DCC: variants seen among roughly 807,000 people sequenced by gnomAD.
DCC encodes DCC netrin 1 receptor.
In DCC, 58 loss-of-function variants were observed where a neutral mutation model predicts 172.5. The ratio of observed to expected loss-of-function variants is 0.34; its 90% confidence interval spans 0.27 to 0.42. DCC has a LOEUF of 0.42. DCC is among the 10% of genes least tolerant of loss of function. DCC has a pLI of 1.00. For missense variants in DCC, 1,740 were observed against 1,791.0 expected (o/e 0.97, Z 0.51); for synonymous variants, 709 against 644.5 (o/e 1.10, Z -1.52).
At chr18:52,376,298 A>G (rs1013136613) in intron 1 of DCC, among the ~76,000 whole-genome samples, 1 of 152,230 alleles carries the variant, frequency 6.6e-6, no homozygotes, top group African/African-American at 2.4e-5. Flanking sequence ...TTGGTTTCAA[A>G]TATGAAGACA....
intron 5 of DCC, among the ~76,000 whole-genome samples, chr18:53,017,934 C>T (rs2041831012): frequency 6.6e-6 from 1 of 152,136 alleles, no homozygotes; most frequent in African/African-American, 2.4e-5. Context: ...GTTCTTAATT[C>T]CTAAGTTTAG....
At chr18:53,451,088 C>T (rs1020286669) in intron 23 of DCC, among the ~76,000 whole-genome samples, 2 of 152,146 alleles carry the variant, frequency 1.3e-5, no homozygotes, top group Non-Finnish European at 2.9e-5. Flanking sequence ...TTAATCAATA[C>T]TTATTGGAGA....
intron 2 of DCC, among the ~76,000 whole-genome samples, chr18:52,830,696 T>A (rs895507075): frequency 1.8e-4 from 28 of 152,214 alleles, no homozygotes; most frequent in African/African-American, 6.8e-4. Flanking sequence ...AGACTGAAGT[T>A]ATTTAATTGT....
intron 1 of DCC, among the ~76,000 whole-genome samples, chr18:52,610,382 C>CAAAAAA (rs55715009): frequency 5.2e-3 from 260 of 49,754 alleles, no homozygotes; most frequent in East Asian, 6.0e-3. Flanking sequence ...TCTGTCTCAA[C>CAAAAAA]AAAAAAAAAA....
intron 7 of DCC, among the ~76,000 whole-genome samples, chr18:53,143,755 A>G (rs1568329554): frequency 6.6e-6 from 1 of 152,250 alleles, no homozygotes. Flanking sequence ...GCGTGGCATC[A>G]AGTTGTGAAC....
At chr18:52,755,094 G>T (rs904317614) in intron 2 of DCC, among the ~76,000 whole-genome samples, 4 of 152,216 alleles carry the variant, frequency 2.6e-5, no homozygotes, top group African/African-American at 9.6e-5. Context: ...GGTAAAAGCA[G>T]CTTTCTCAGA....
chr18:53,139,428 T>C (rs1221659235), intron 7 of DCC, among the ~76,000 whole-genome samples: 1 of 152,180 alleles, frequency 6.6e-6, no homozygotes, highest in East Asian at 1.9e-4. Flanking sequence ...GTGTCCAATG[T>C]CATGCACTGG....
At chr18:53,067,364 T>TA (rs775000185) in intron 7 of DCC, among the ~76,000 whole-genome samples, 30 of 151,118 alleles carry the variant, frequency 2.0e-4, no homozygotes, top group African/African-American at 5.1e-4. Flanking sequence ...CTACTGAAAA[T>TA]AAAAAAAATA....
At chr18:53,022,500 G>C (rs1289948508) in intron 5 of DCC, among the ~76,000 whole-genome samples, 1 of 150,788 alleles carries the variant, frequency 6.6e-6, no homozygotes, top group Non-Finnish European at 1.5e-5. Flanking sequence ...CACTAAAAAA[G>C]ATACATACAT....
chr18:53,315,113 A>G (rs923169744), intron 13 of DCC, among the ~76,000 whole-genome samples: 3 of 152,086 alleles, frequency 2.0e-5, no homozygotes, highest in Non-Finnish European at 2.9e-5. Context: ...TCCCTCCCCT[A>G]GCCCCCCACT....
chr18:52,861,867 T>C (rs529026415), intron 2 of DCC, among the ~76,000 whole-genome samples: 2 of 152,288 alleles, frequency 1.3e-5, no homozygotes, highest in African/African-American at 2.4e-5. Flanking sequence ...GTAAAATTTA[T>C]TGAAGAAGCA....
At chr18:53,063,648 A>C (rs2042527511) in intron 6 of DCC, 189 bp downstream of exon 6, 3 of 562,744 alleles carry the variant, frequency 5.3e-6, no homozygotes, top group Non-Finnish European at 9.4e-6. Flanking sequence ...AGAGTGATCA[A>C]AGAATTCAGC....
intron 8 of DCC, among the ~76,000 whole-genome samples, chr18:53,169,272 T>C (rs1489255109): frequency 6.6e-6 from 1 of 152,226 alleles, no homozygotes; most frequent in African/African-American, 2.4e-5. Context: ...CAAGACACTT[T>C]AATCAAGTAA....
intron 7 of DCC, among the ~76,000 whole-genome samples, chr18:53,096,929 C>T (rs911469909): frequency 2.4e-4 from 36 of 151,962 alleles, no homozygotes; most frequent in African/African-American, 8.2e-4. Context: ...AATACATTCT[C>T]AAAGGGTTTA....
intron 7 of DCC, among the ~76,000 whole-genome samples, chr18:53,086,063 T>C (rs1458552024): frequency 4.6e-3 from 2 of 438 alleles, no homozygotes; most frequent in South Asian, 0.1. Flanking sequence ...TCCTTCTCCT[T>C]CTCCCTCTCC....
intron 12 of DCC, among the ~76,000 whole-genome samples, chr18:53,275,742 T>C (rs995509116): frequency 6.6e-5 from 10 of 152,156 alleles, no homozygotes; most frequent in African/African-American, 2.4e-4. Flanking sequence ...GTAGGTCTGG[T>C]TTTTTGAGAG....
intron 2 of DCC, among the ~76,000 whole-genome samples, chr18:52,789,730 T>C (rs1199210760): frequency 6.6e-6 from 1 of 152,120 alleles, no homozygotes; most frequent in African/African-American, 2.4e-5. Context: ...GTAAAGGAGA[T>C]CTGACCCAAA....
Position 53,416,024 on chromosome 18 carries a change from T to A in DCC, c.3131-100T>A, listed in dbSNP as rs919889177. The A allele has an allele frequency of 5.8e-6, 5 of 854,776 alleles. No homozygotes were observed. The African/African-American group carries it at 6.7e-5, about 11-fold the overall frequency. The allele number at this position is 854,776 out of a possible 1,614,324, so 52.9% of individuals were successfully genotyped here. A position where few individuals can be genotyped will look rare whatever the true frequency, so the allele number is the denominator to read the frequency against. On this transcript the variant is annotated intron_variant, in intron 20 of 28. Transcript: ENST00000442544. ...TTTTATTTCAAGAGGGCACTAGCTT[T>A]GAAATAAAAACTTACTAAAAAGAAC... is the stretch of plus-strand genomic sequence containing the variant.
rs371299724 is a variant in DCC at position 53,006,331 on chromosome 18, G to C, written c.986-56974G>C. The stretch of plus-strand genomic sequence containing the variant: ...GATTGATTAGAGCAATTATTCTTAA[G>C]CATGGCAATGCTCATCTCAAACCCA... On this transcript the variant is annotated intron_variant, in intron 5 of 28. Transcript: ENST00000442544. 6.6e-5 allele frequency among the ~76,000 whole-genome samples: 10 copies of C among 152,268 alleles called. No homozygotes were observed. The East Asian group carries it at 1.5e-3, about 24-fold the overall frequency.
Sources: allele counts gnomAD v4.1 joint callset (sites outside exome capture counted in the v4.1 genomes callset), GRCh38; gene constraint gnomAD v4.1.1; transcripts MANE v1.5; gene names NCBI Gene and HGNC (gene_info 2026-07-23, HGNC 2026-07-21).